Variants in DENND4A observed in about 807,000 individuals in gnomAD.
DENND4A encodes the protein DENN domain containing 4A.
DENND4A carries 70 observed loss-of-function variants against 199.3 expected under a neutral mutation model. The ratio of observed to expected loss-of-function variants is 0.35; its 90% confidence interval spans 0.29 to 0.43. The LOEUF is 0.43. DENND4A is among the 20% of genes least tolerant of loss of function. The pLI is 1.00. For synonymous variants in DENND4A, 686 were observed against 766.9 expected (o/e 0.89, Z 1.74); for missense variants, 1,723 against 2,255.8 (o/e 0.76, Z 4.78).
In DENND4A at chr15:65,664,392, C is replaced by G; in HGVS notation, c.5525G>C (p.Ser1842Thr). 6.2e-7 allele frequency: 1 copy of G among 1,600,088 alleles called. No individual in the cohort carries two copies. Among genetic ancestry groups the G allele is most frequent in the Non-Finnish European group, 8.5e-7 (1 of 1,172,704 alleles). Reference sequence around the variant, plus strand: ...GAGAAATAGTATTTCTCTGTATAAACTCCTAGGGAGAAAAAGTCATGGAGA... The same window carrying G: ...GAGAAATAGTATTTCTCTGTATAAAGTCCTAGGGAGAAAAAGTCATGGAGA... ...NKCPHFKRQR[S>T]LYREILFLSL... Residue 1842 changes from serine (S) to threonine (T), a missense_variant and splice_region_variant, in exon 32 of 33, where the codon AGT (serine) becomes ACT (threonine). Transcript: ENST00000443035.
In DENND4A at chr15:65,722,847, C is replaced by T. The variant is rs983559485; in HGVS notation, c.1588+1G>A. 3 of 1,590,142 alleles carry T rather than the reference C, an allele frequency of 1.9e-6. No homozygotes were observed. Among genetic ancestry groups the T allele is most frequent in the Non-Finnish European group, 2.6e-6 (3 of 1,169,434 alleles). ...CTCCTTTAATTAAGTTATCCACTTACATTTTGCCAATTGCTGATGCAAATT... is the reference window on the plus strand; with the variant it reads ...CTCCTTTAATTAAGTTATCCACTTATATTTTGCCAATTGCTGATGCAAATT... On this transcript the variant is annotated splice_donor_variant, in intron 12 of 32. Coordinates refer to ENST00000443035, the MANE Select transcript of DENND4A (RefSeq NM_001320835.1). LOFTEE classifies it high-confidence loss of function.
intron 23 of DENND4A, among the ~76,000 whole-genome samples, chr15:65,687,227 C>A (rs1307110550): frequency 6.6e-6 from 1 of 152,102 alleles, no homozygotes; most frequent in Non-Finnish European, 1.5e-5. Flanking sequence ...TTAAAGTCTA[C>A]TTGGAGTTAG....
intron 23 of DENND4A, among the ~76,000 whole-genome samples, chr15:65,678,843 CCAT>C (rs1331084999): frequency 2.0e-5 from 3 of 152,080 alleles, no homozygotes; most frequent in African/African-American, 4.8e-5. Flanking sequence ...GTGCACACCA[CCAT>C]GACTGGCTAA....
At chr15:65,739,799 T>G (rs933728159) in intron 5 of DENND4A, among the ~76,000 whole-genome samples, 3 of 152,224 alleles carry the variant, frequency 2.0e-5, no homozygotes, top group Non-Finnish European at 4.4e-5. Context: ...AGCCAGCAAG[T>G]AGGTCCCATG....
At chr15:65,745,997 A>G (rs1378340655) in intron 4 of DENND4A, among the ~76,000 whole-genome samples, 1 of 151,806 alleles carries the variant, frequency 6.6e-6, no homozygotes, top group Admixed American at 6.6e-5. Flanking sequence ...AAAAATTAGC[A>G]GGATGTGGTG....
intron 9 of DENND4A, among the ~76,000 whole-genome samples, chr15:65,730,117 T>TC (rs2075916662): frequency 1.3e-5 from 2 of 152,230 alleles, no homozygotes; most frequent in South Asian, 4.1e-4. Flanking sequence ...CAGGCCCACT[T>TC]CCCTTAAGGT....
chr15:65,663,596 CT>C (rs1479081391), intron 32 of DENND4A, among the ~76,000 whole-genome samples: 10 of 152,106 alleles, frequency 6.6e-5, no homozygotes, highest in African/African-American at 2.2e-4. Flanking sequence ...AGCTCTGCCC[CT>C]GGTAGCATTA....
chr15:65,782,661 AT>A (rs1476853288), intron 1 of DENND4A, among the ~76,000 whole-genome samples: 6 of 152,164 alleles, frequency 3.9e-5, no homozygotes, highest in African/African-American at 1.2e-4. Context: ...AAACAAAAAA[AT>A]AAAATAAAAA....
chr15:65,777,439 A>C (rs1340547330), intron 1 of DENND4A, among the ~76,000 whole-genome samples: 1 of 151,108 alleles, frequency 6.6e-6, no homozygotes, highest in East Asian at 2.0e-4. Flanking sequence ...TGCAACCTCC[A>C]CCTCCCAGGT....
intron 2 of DENND4A, among the ~76,000 whole-genome samples, chr15:65,757,836 G>A (rs1185332795): frequency 6.6e-6 from 1 of 152,096 alleles, no homozygotes; most frequent in Non-Finnish European, 1.5e-5. Context: ...TACAAAATTA[G>A]CCAGGCGTGG....
chr15:65,719,040 A>G (rs1358909734), intron 12 of DENND4A, among the ~76,000 whole-genome samples: 1 of 151,766 alleles, frequency 6.6e-6, no homozygotes, highest in African/African-American at 2.4e-5. Flanking sequence ...TTGGCCTCCC[A>G]AAGTGCTGGG....
In DENND4A at chr15:65,752,389, T is replaced by C. The variant is rs2076591334; in HGVS notation, c.551A>G (p.Asn184Ser). Reference protein sequence around the residue: ...HTFCKVDKNLNNSMWGSAVYL... With the variant: ...HTFCKVDKNLSNSMWGSAVYL... The stretch of plus-strand genomic sequence containing the variant: ...AAGTAAGTCACTTACCATACTGTTA[T>C]TGAGATTCTTGTCGACTTTGCAGAA... The change falls in exon 4 of 33, where the codon AAT becomes AGT. Residue 184 changes from asparagine (N) to serine (S), a missense_variant. This residue lies in a region of DENND4A where 725 missense variants were observed against 952.9 expected (regional missense o/e 0.76). Transcript: ENST00000443035. 1.9e-6 allele frequency: 3 copies of C among 1,609,030 alleles called. No individual in the cohort carries two copies. Among genetic ancestry groups the C allele is most frequent in the Admixed American group, 1.7e-5 (1 of 59,450 alleles).
At chr15:65,761,819 A>C (rs2076857105) in intron 1 of DENND4A, among the ~76,000 whole-genome samples, 1 of 152,148 alleles carries the variant, frequency 6.6e-6, no homozygotes, top group African/African-American at 2.4e-5. Context: ...TCACAGGGGA[A>C]AAATGTATAC....
At chr15:65,791,045 T>C (rs1484083011) in intron 1 of DENND4A, among the ~76,000 whole-genome samples, 1 of 152,232 alleles carries the variant, frequency 6.6e-6, no homozygotes, top group Non-Finnish European at 1.5e-5. Context: ...ACATTCGGGC[T>C]ATTCTTTTCA....
intron 15 of DENND4A, among the ~76,000 whole-genome samples, chr15:65,704,464 C>G (rs1170031070): frequency 6.6e-6 from 1 of 152,196 alleles, no homozygotes; most frequent in Non-Finnish European, 1.5e-5. Context: ...TCTCAACCTC[C>G]CAGGCTCAAG....
chr15:65,717,635 G>A (rs1310455087), intron 13 of DENND4A, 143 bp downstream of exon 13: 2 of 763,440 alleles, frequency 2.6e-6, no homozygotes, highest in Admixed American at 3.1e-5. Context: ...ATGGAAATGG[G>A]TAACCAACAA....
intron 2 of DENND4A, among the ~76,000 whole-genome samples, chr15:65,759,191 A>C (rs2076788368): frequency 6.6e-6 from 1 of 152,198 alleles, no homozygotes; most frequent in Admixed American, 6.6e-5. Context: ...TTTAAAAATG[A>C]GACTAGGCCA....
At chr15:65,703,772 T>A (rs977205290) in intron 15 of DENND4A, among the ~76,000 whole-genome samples, 11 of 152,216 alleles carry the variant, frequency 7.2e-5, no homozygotes, top group African/African-American at 2.7e-4. Context: ...TTCAAGGCTG[T>A]AGTGCACTAC....
At chr15:65,721,502 G>T (rs886702626) in intron 12 of DENND4A, among the ~76,000 whole-genome samples, 1 of 150,498 alleles carries the variant, frequency 6.6e-6, no homozygotes, top group Non-Finnish European at 1.5e-5. Flanking sequence ...ATAAAGAAAT[G>T]AAGGTTTAAT....
Sources: gnomAD v4.1 joint callset for allele counts (sites outside exome capture counted in the v4.1 genomes callset) on GRCh38, gnomAD v4.1.1 for gene constraint, gnomAD v4.1.1 regional missense constraint, MANE v1.5 for transcripts, NCBI Gene and HGNC (gene_info 2026-07-23, HGNC 2026-07-21) for gene names.